Variants in ANO5 observed in about 807,000 individuals in gnomAD.
ANO5 encodes the protein anoctamin 5.
In ANO5, 109 loss-of-function variants were observed where a neutral mutation model predicts 121.0. The observed-to-expected ratio is 0.90, with a 90% CI of 0.77 to 1.06. The LOEUF is 1.06. ANO5 is among the 50% of genes least tolerant of loss of function. The pLI is 0.00. For synonymous variants in ANO5, 406 were observed against 359.9 expected, an observed-to-expected ratio of 1.13 and a Z score of -1.45; for missense variants, 1,064 against 1,078.5, an observed-to-expected ratio of 0.99 and a Z score of 0.19.
At chr11:22,202,226 C>T (rs920004409) in intron 1 of ANO5, among the ~76,000 whole-genome samples, 1 of 151,946 alleles carries the variant, frequency 6.6e-6, no homozygotes, top group Non-Finnish European at 1.5e-5. Context: ...TTTTCACATA[C>T]AGCCTCGTTT....
intron 1 of ANO5, among the ~76,000 whole-genome samples, chr11:22,196,684 C>T (rs949223189): frequency 6.6e-6 from 1 of 152,076 alleles, no homozygotes; most frequent in African/African-American, 2.4e-5. Flanking sequence ...TCCTGGCCAA[C>T]ATGGTGAAAC....
Position 22,279,704 on chromosome 11 carries a change from A to C in ANO5, c.2681A>C (p.Glu894Ala). The change falls in exon 22 of 22, where the codon GAA becomes GCA. Residue 894 changes from glutamate to alanine, a missense_variant. Glu to Ala is a moderately radical substitution (Grantham distance 107). Coordinates refer to ENST00000324559, the MANE Select transcript of ANO5 (RefSeq NM_213599.3). ...LKENLGINSN[E>A]FAKHVMIEEN... ...GAGAACTTGGGAATTAATTCTAATG[A>C]ATTTGCCAAGCATGTCATGATTGAG... The C allele has an allele frequency of 6.2e-7, 1 of 1,612,890 alleles. No individual in the cohort carries two copies. The highest frequency in any genetic ancestry group is 8.5e-7 in the Non-Finnish European group (1 of 1,179,176).
chr11:22,210,786 A>G (rs1423014705), intron 2 of ANO5, among the ~76,000 whole-genome samples: 2 of 151,886 alleles, frequency 1.3e-5, no homozygotes, highest in African/African-American at 2.4e-5. Flanking sequence ...CTGATGGTGT[A>G]TTTTCCAAGG....
rs1239852095 is a variant in ANO5, at chr11:22,267,525, A to AT, written c.1899-2787_1899-2786insT. On this transcript the variant is annotated intron_variant, in intron 17 of 21. Coordinates refer to ENST00000324559, the MANE Select transcript of ANO5 (RefSeq NM_213599.3). Reference sequence around the variant, plus strand: ...ATCTACAATTATATATATATATATAAAATCTATCTACAATTATACCAAGTG... The same window carrying AT: ...ATCTACAATTATATATATATATATAATAATCTATCTACAATTATACCAAGTG... 8.6e-5 allele frequency among the ~76,000 whole-genome samples: 12 copies of AT among 140,016 alleles called. No homozygotes were observed. The South Asian group carries it at 2.6e-3, about 30-fold the overall frequency. 91.9% of individuals were successfully genotyped at this position (140,016 alleles called of 152,430 possible).
chr11:22,206,441 T>G (rs544434452), intron 2 of ANO5, among the ~76,000 whole-genome samples: 12 of 152,100 alleles, frequency 7.9e-5, no homozygotes, highest in South Asian at 4.2e-4. Context: ...CTCTCCTGAG[T>G]AGCTGGAACT....
intron 3 of ANO5, among the ~76,000 whole-genome samples, chr11:22,212,083 A>G (rs1253219344): frequency 6.6e-6 from 1 of 151,810 alleles, no homozygotes; most frequent in East Asian, 1.9e-4. Flanking sequence ...CCTAAAGCTT[A>G]TACAATTTTG....
chr11:22,208,748 G>A (rs1852193824), intron 2 of ANO5, among the ~76,000 whole-genome samples: 1 of 151,846 alleles, frequency 6.6e-6, no homozygotes, highest in Admixed American at 6.6e-5. Flanking sequence ...CTGGGTAGGG[G>A]TTACATGGGA....
intron 7 of ANO5, among the ~76,000 whole-genome samples, chr11:22,231,104 G>GA (rs1564925805): frequency 8.6e-5 from 13 of 151,768 alleles, no homozygotes; most frequent in African/African-American, 3.2e-4. Flanking sequence ...GCTGAGAACT[G>GA]CATGATTCAC....
Position 22,193,446 on chromosome 11 carries a change from T to C in ANO5, c.-47T>C, listed in dbSNP as rs1590202666. 4 of 1,593,880 alleles carry C rather than the reference T, an allele frequency of 2.5e-6. No individual in the cohort carries two copies. Among genetic ancestry groups the C allele is most frequent in the Non-Finnish European group, 3.4e-6 (4 of 1,171,010 alleles). On this transcript the variant is annotated 5_prime_UTR_variant, in exon 1 of 22. Coordinates refer to ENST00000324559, the MANE Select transcript of ANO5 (RefSeq NM_213599.3). ...TCTCCACGTCTGTCTCAGCTGCCCC[T>C]CTCCTGCTGCCTCTCAGGCACCAGT...
chr11:22,266,300 G>A (rs1282322764), intron 17 of ANO5, among the ~76,000 whole-genome samples: 2 of 152,092 alleles, frequency 1.3e-5, no homozygotes, highest in African/African-American at 4.8e-5. Context: ...TCCAGTTAGA[G>A]TATGCTCGTC....
intron 17 of ANO5, among the ~76,000 whole-genome samples, chr11:22,267,525 A>ATATATATATATAT (rs1239852095): frequency 0.011 from 1,547 of 139,942 alleles, 54 homozygotes; most frequent in African/African-American, 0.047. Context: ...TATATATATA[A>ATATATATATATAT]AATCTATCTA....
chr11:22,199,788 CT>C (rs1261993979), intron 1 of ANO5, among the ~76,000 whole-genome samples: 1 of 151,980 alleles, frequency 6.6e-6, no homozygotes, highest in Admixed American at 6.6e-5. Flanking sequence ...AATCTGGCCT[CT>C]TAGAGATCTA....
In ANO5 at chr11:22,237,563, G is replaced by T. The variant is rs189652053; in HGVS notation, c.762+1287G>T. Among the ~76,000 whole-genome samples, 749 of 152,088 alleles carry T rather than the reference G, an allele frequency of 4.9e-3. 5 individuals are homozygous for T. The highest frequency in any genetic ancestry group is 0.024 in the Middle Eastern group (7 of 294). ...ACACCATCATGCCTGGCTAATTTTT[G>T]TATTTTTAGTAGAGACGGGGTTTTG... On this transcript the variant is annotated intron_variant, in intron 8 of 21. Coordinates refer to ENST00000324559, the MANE Select transcript of ANO5 (RefSeq NM_213599.3).
At chr11:22,210,943 A>G (rs1852257324) in intron 2 of ANO5, among the ~76,000 whole-genome samples, 1 of 151,822 alleles carries the variant, frequency 6.6e-6, no homozygotes, top group Non-Finnish European at 1.5e-5. Context: ...GTTCTTAACC[A>G]CTTCTTGTAT....
intron 17 of ANO5, among the ~76,000 whole-genome samples, chr11:22,266,885 G>T (rs1053366683): frequency 1.2e-4 from 19 of 152,122 alleles, no homozygotes; most frequent in Non-Finnish European, 2.2e-4. Flanking sequence ...TCCCTCTCCA[G>T]TTGGGACAAC....
chr11:22,257,882 G>C lies in ANO5; in HGVS notation c.1407+128G>C, dbSNP rs76088483. The C allele has an allele frequency of 2.4e-3, 1,818 of 763,388 alleles. 26 individuals carry two copies. The East Asian group carries it at 0.039, about 16-fold the overall frequency. The allele number at this position is 763,388 out of a possible 1,614,324, so 47.3% of individuals were successfully genotyped here. On this transcript the variant is annotated intron_variant, in intron 14 of 21. Coordinates refer to ENST00000324559, the MANE Select transcript of ANO5 (RefSeq NM_213599.3). ...CTCCCTCCCTGGTCTTTTTATCTTGGTTATAGCTCTTATACAAAATAAACT... is the reference window on the plus strand; with the variant it reads ...CTCCCTCCCTGGTCTTTTTATCTTGCTTATAGCTCTTATACAAAATAAACT...
chr11:22,236,253 T>C lies in ANO5; in HGVS notation c.739T>C (p.Ser247Pro), dbSNP rs1326315048. ...AAGACTGCTAAACTCTAACACTTAC[T>C]CATCTGCCTATCCACTCCATGATGT... The part of the protein sequence containing the change: ...IERLLNSNTY[S>P]SAYPLHDGQY... The change falls in exon 8 of 22, where the codon TCA becomes CCA. Residue 247 changes from serine (S) to proline (P), a missense_variant. Transcript: ENST00000324559. 5.6e-6 allele frequency: 9 copies of C among 1,612,590 alleles called. No homozygotes were observed. In the East Asian group the frequency reaches 1.6e-4, roughly 28 times the overall value.
intron 3 of ANO5, among the ~76,000 whole-genome samples, chr11:22,212,394 A>T (rs545195315): frequency 1.3e-5 from 2 of 151,974 alleles, no homozygotes; most frequent in African/African-American, 4.8e-5. Flanking sequence ...TTCCAATGCT[A>T]TTACAAATGT....
At chr11:22,225,935 A>G in intron 5 of ANO5, 49 bp from the exon 6 acceptor site, 1 of 1,449,666 alleles carries the variant, frequency 6.9e-7, no homozygotes, top group Non-Finnish European at 9.7e-7. Flanking sequence ...TACTGAGCAA[A>G]TAAAACAAAA....
Sources: gnomAD v4.1 joint callset for allele counts (sites outside exome capture counted in the v4.1 genomes callset) on GRCh38, gnomAD v4.1.1 for gene constraint, MANE v1.5 for transcripts, NCBI Gene and HGNC (gene_info 2026-07-23, HGNC 2026-07-21) for gene names.